PGLYRP1: variants seen among roughly 807,000 people sequenced by gnomAD.
PGLYRP1 encodes peptidoglycan recognition protein 1.
In PGLYRP1, 18 loss-of-function variants were observed where a neutral mutation model predicts 16.3. That is an observed-to-expected ratio of 1.11 (90% CI 0.77 to 1.64). The LOEUF is 1.64. Among genes scored for constraint, PGLYRP1 ranks in the 40% most tolerant of loss-of-function variants. The pLI is 0.00. For missense variants in PGLYRP1, 261 were observed against 268.6 expected, an observed-to-expected ratio of 0.97 and a Z score of 0.20; for synonymous variants, 89 against 105.7, an observed-to-expected ratio of 0.84 and a Z score of 0.97.
In PGLYRP1 at chr19:46,019,434, G is replaced by C. The variant is rs1425314325; in HGVS notation, c.410-15C>G. 6.2e-7 allele frequency: 1 copy of C among 1,612,926 alleles called. No homozygotes were observed. Among genetic ancestry groups the C allele is most frequent in the Non-Finnish European group, 8.5e-7 (1 of 1,179,548 alleles). ...GGGCACCCGATCTGGAGGAGGCAGAGGTAGGAGTCAGGCAGGGGCTTCCCC... is the reference window on the plus strand; with the variant it reads ...GGGCACCCGATCTGGAGGAGGCAGACGTAGGAGTCAGGCAGGGGCTTCCCC... On this transcript the variant is annotated splice_polypyrimidine_tract_variant and intron_variant, in intron 2 of 2. Coordinates refer to ENST00000008938, the MANE Select transcript of PGLYRP1 (RefSeq NM_005091.3). This position sits in a 1 kb window ranked among gnomAD's most constrained non-coding sequence, Gnocchi z 4.8.
In PGLYRP1 at chr19:46,019,456, C is replaced by T. The variant is rs766803595; in HGVS notation, c.410-37G>A. On this transcript the variant is annotated intron_variant, in intron 2 of 2. Coordinates refer to ENST00000008938, the MANE Select transcript of PGLYRP1 (RefSeq NM_005091.3). The surrounding 1 kb of genome is among the most constrained non-coding windows in gnomAD (Gnocchi z 4.8). ...AGAGGTAGGAGTCAGGCAGGGGCTT[C>T]CCCGAAGGGGAAGTGATAGCGTAGG... The T allele has an allele frequency of 6.2e-7, 1 of 1,612,066 alleles. No homozygotes were observed. The highest frequency in any genetic ancestry group is 8.5e-7 in the Non-Finnish European group (1 of 1,178,928).
Position 46,022,638 on chromosome 19 carries a change from C to T in PGLYRP1, c.287+97G>A, listed in dbSNP as rs1600661234. The T allele has an allele frequency of 7.1e-6, 10 of 1,412,608 alleles. No homozygotes were observed. The East Asian group carries it at 1.9e-4, about 26-fold the overall frequency. 87.5% of individuals were successfully genotyped at this position (1,412,608 alleles called of 1,614,324 possible). On this transcript the variant is annotated intron_variant, in intron 1 of 2. Coordinates refer to ENST00000008938, the MANE Select transcript of PGLYRP1 (RefSeq NM_005091.3). ...CTGCTCAGGGTGTCAGCCAGGTGGC[C>T]TCAGCACCAGGCCTAGAAATGGTCC...
At chr19:46,020,290 G>C (rs973761175) in intron 1 of PGLYRP1, among the ~76,000 whole-genome samples, 16 of 151,902 alleles carry the variant, frequency 1.1e-4, no homozygotes, top group Non-Finnish European at 7.4e-5. Context: ...TGTATTATTA[G>C]TAGAGATGGG....
rs1969024006 is a variant in PGLYRP1 at position 46,019,744 on chromosome 19, T to G, written c.288-97A>C. 5 of 1,293,640 alleles carry G rather than the reference T, an allele frequency of 3.9e-6. No individual in the cohort carries two copies. Among genetic ancestry groups the G allele is most frequent in the Non-Finnish European group, 5.3e-6 (5 of 942,620 alleles). The allele number at this position is 1,293,640 out of a possible 1,614,324, so 80.1% of individuals were successfully genotyped here. A position where few individuals can be genotyped will look rare whatever the true frequency, so the allele number is the denominator to read the frequency against. Reference sequence around the variant, plus strand: ...ACTCACCCTGCCTCCGTTACTGCCGTGGTGCACACAACTTCCCCAGCATCC... The same window carrying G: ...ACTCACCCTGCCTCCGTTACTGCCGGGGTGCACACAACTTCCCCAGCATCC... On this transcript the variant is annotated intron_variant, in intron 1 of 2. Coordinates refer to ENST00000008938, the MANE Select transcript of PGLYRP1 (RefSeq NM_005091.3). This position sits in a 1 kb window ranked among gnomAD's most constrained non-coding sequence, Gnocchi z 4.8.
At chr19:46,021,333 CT>C (rs1429682595) in intron 1 of PGLYRP1, 1 of 152,218 alleles carries the variant, frequency 6.6e-6, no homozygotes, top group Non-Finnish European at 1.5e-5. Context: ...CTGGGAATAC[CT>C]TTGGACACTT....
intron 1 of PGLYRP1, chr19:46,021,051 A>G (rs1969039352): frequency 1.3e-5 from 2 of 152,336 alleles, no homozygotes; most frequent in African/African-American, 4.8e-5. Context: ...CACCATCGCC[A>G]AGCGGGTACA....
rs934902838 is a variant in PGLYRP1, at chr19:46,019,426, G to A, written c.410-7C>T. ...TGGGGTGTGGGCACCCGATCTGGAG[G>A]AGGCAGAGGTAGGAGTCAGGCAGGG... On this transcript the variant is annotated splice_polypyrimidine_tract_variant and splice_region_variant and intron_variant, in intron 2 of 2. Transcript: ENST00000008938. The surrounding 1 kb of genome is among the most constrained non-coding windows in gnomAD (Gnocchi z 4.8). 8.1e-6 allele frequency: 13 copies of A among 1,613,122 alleles called. No homozygotes were observed. In the Admixed American group the frequency reaches 1.2e-4, roughly 14 times the overall value.
rs1304242764 is a variant in PGLYRP1, at chr19:46,019,304, A to G, written c.525T>C (p.Arg175=). Residue 175 remains arginine, a synonymous_variant, in exon 3 of 3, where the codon CGT becomes CGC. Coordinates refer to ENST00000008938, the MANE Select transcript of PGLYRP1 (RefSeq NM_005091.3). The surrounding 1 kb of genome is among the most constrained non-coding windows in gnomAD (Gnocchi z 4.8). The part of the protein sequence containing the change: ...YVLKGHRDVQ[R]TLSPGNQLYH... ...AGAGCTGGTTGCCTGGAGAGAGTGTACGCTGCACATCCCGGTGTCCTTTGA... is the reference window on the plus strand; with the variant it reads ...AGAGCTGGTTGCCTGGAGAGAGTGTGCGCTGCACATCCCGGTGTCCTTTGA... 7 of 1,613,754 alleles carry G rather than the reference A, an allele frequency of 4.3e-6. No homozygotes were observed. The highest frequency in any genetic ancestry group is 5.9e-6 in the Non-Finnish European group (7 of 1,179,886).
chr19:46,021,014 A>G (rs535830303), intron 1 of PGLYRP1: 1 of 152,528 alleles, frequency 6.6e-6, no homozygotes, highest in African/African-American at 2.4e-5. Context: ...CATTTGTTGC[A>G]TGAATGCATC....
Position 46,019,571 on chromosome 19 carries a change from A to G in PGLYRP1, c.364T>C (p.Trp122Arg), listed in dbSNP as rs1211247731. Residue 122 changes from tryptophan (W) to arginine (R), a missense_variant, in exon 2 of 3, where the codon TGG (tryptophan) becomes CGG (arginine). Transcript: ENST00000008938. The surrounding 1 kb of genome is among the most constrained non-coding windows in gnomAD (Gnocchi z 4.8). ...NFTGAHSGHL[W>R]NPMSIGISFM... ...CTGATGCCAATGGACATGGGGTTCC[A>G]TAAGTGACCTGAGTGGGCACCCGTG... The G allele has an allele frequency of 3.7e-6, 6 of 1,613,884 alleles. No individual in the cohort carries two copies. The highest frequency in any genetic ancestry group is 4.2e-6 in the Non-Finnish European group (5 of 1,179,944).
Position 46,022,941 on chromosome 19 carries a change from C to A in PGLYRP1, c.81G>T (p.Pro27=), listed in dbSNP as rs764071412. Residue 27 remains proline, a synonymous_variant, in exon 1 of 3, where the codon CCG becomes CCT. Coordinates refer to ENST00000008938, the MANE Select transcript of PGLYRP1 (RefSeq NM_005091.3). The stretch of plus-strand genomic sequence containing the variant: ...GGGGCACTATGGGGCTGCAGCAGGC[C>A]GGGTCTTCTGTCTCCTGAGCCGCTC... ...RLGAAQETED[P]ACCSPIVPRN... 6.2e-7 allele frequency: 1 copy of A among 1,609,616 alleles called. No homozygotes were observed. The highest frequency in any genetic ancestry group is 1.3e-5 in the African/African-American group (1 of 74,910).
chr19:46,022,527 C>T (rs576510346), intron 1 of PGLYRP1, among the ~76,000 whole-genome samples: 2 of 152,282 alleles, frequency 1.3e-5, no homozygotes, highest in Non-Finnish European at 2.9e-5. Flanking sequence ...GCCCATCCCC[C>T]CTTCTCACGC....
intron 1 of PGLYRP1, among the ~76,000 whole-genome samples, chr19:46,020,218 CG>C (rs1242869501): frequency 6.6e-6 from 1 of 151,400 alleles, no homozygotes; most frequent in African/African-American, 2.4e-5. Context: ...AAGTGATTCT[CG>C]TGCCTCAGCC....
chr19:46,020,114 T>TC (rs1180039020), intron 1 of PGLYRP1, among the ~76,000 whole-genome samples: 1 of 151,538 alleles, frequency 6.6e-6, no homozygotes, highest in East Asian at 1.9e-4. Flanking sequence ...ACTTTTTTTT[T>TC]TTTTTTTTTT....
rs754079322 is a variant in PGLYRP1 at position 46,019,673 on chromosome 19, A to G, written c.288-26T>C. The G allele has an allele frequency of 1.8e-5, 29 of 1,606,768 alleles. 2 individuals are homozygous for G. The Middle Eastern group carries it at 2.2e-3, about 121-fold the overall frequency. ...CTGCATGGGGAGGTGGGGGGGCTTG[A>G]TGAGTGAGGGAGGGTTTCCCGAGGA... On this transcript the variant is annotated intron_variant, in intron 1 of 2. Coordinates refer to ENST00000008938, the MANE Select transcript of PGLYRP1 (RefSeq NM_005091.3). The surrounding 1 kb of genome is among the most constrained non-coding windows in gnomAD (Gnocchi z 4.8).
chr19:46,019,910 A>G lies in PGLYRP1; in HGVS notation c.288-263T>C, dbSNP rs144894393. 4.7e-4 allele frequency among the ~76,000 whole-genome samples: 72 copies of G among 152,238 alleles called. 1 individual carries two copies. The East Asian group carries it at 0.012, about 25-fold the overall frequency. ...TGAGTCACTATCACCCCCGTTTTAT[A>G]TAGACAGAATCAGAGCGGTAGAATC... is the stretch of plus-strand genomic sequence containing the variant. On this transcript the variant is annotated intron_variant, in intron 1 of 2. Coordinates refer to ENST00000008938, the MANE Select transcript of PGLYRP1 (RefSeq NM_005091.3). The surrounding 1 kb of genome is among the most constrained non-coding windows in gnomAD (Gnocchi z 4.8).
Position 46,019,382 on chromosome 19 carries a change from C to T in PGLYRP1, c.447G>A (p.Gln149=). Residue 149 remains glutamine (Q), a synonymous_variant, in exon 3 of 3, where the codon CAG becomes CAA. Coordinates refer to ENST00000008938, the MANE Select transcript of PGLYRP1 (RefSeq NM_005091.3). The surrounding 1 kb of genome is among the most constrained non-coding windows in gnomAD (Gnocchi z 4.8). ...GAGCCACACCGCAGGCCAGTAGACC[C>T]TGGGCTGCCCGGATGGCCTGGGGTG... is the stretch of plus-strand genomic sequence containing the variant. The part of the protein sequence containing the change: ...VPTPQAIRAA[Q]GLLACGVAQG... The T allele has an allele frequency of 6.2e-7, 1 of 1,613,740 alleles. No individual in the cohort carries two copies. Among genetic ancestry groups the T allele is most frequent in the Non-Finnish European group, 8.5e-7 (1 of 1,179,948 alleles).
At chr19:46,022,680 C>G in intron 1 of PGLYRP1, 55 bp downstream of exon 1, 2 of 1,601,068 alleles carry the variant, frequency 1.2e-6, no homozygotes, top group South Asian at 1.1e-5. Context: ...CGGGCACTTG[C>G]ACACCTTTGC....
Position 46,022,729 on chromosome 19 carries a change from ACT to A in PGLYRP1, c.287+4_287+5del. The A allele has an allele frequency of 6.2e-7, 1 of 1,613,852 alleles. No homozygotes were observed. Among genetic ancestry groups the A allele is most frequent in the Non-Finnish European group, 8.5e-7 (1 of 1,179,892 alleles). On this transcript the variant is annotated splice_donor_5th_base_variant and intron_variant, in intron 1 of 2. Transcript: ENST00000008938. ...AGTCCAGCCCGTGCCCCCCTGCCAC[ACT>A]CACTTGTAGCCCACGTCGCACCAGC...
Sources: gnomAD v4.1 joint callset for allele counts (sites outside exome capture counted in the v4.1 genomes callset) on GRCh38, gnomAD v4.1.1 for gene constraint, Gnocchi (gnomAD v3.1) non-coding constraint, MANE v1.5 for transcripts, NCBI Gene and HGNC (gene_info 2026-07-23, HGNC 2026-07-21) for gene names.